Variants in FHIT observed in about 807,000 individuals in gnomAD.
FHIT encodes fragile histidine triad diadenosine triphosphatase, also known as bis(5'-adenosyl)-triphosphatase.
A neutral mutation model predicts 17.9 loss-of-function variants in FHIT; 19 were observed. That is an observed-to-expected ratio of 1.06 (90% CI 0.74 to 1.56). The LOEUF (loss-of-function observed/expected upper bound fraction) is 1.56. FHIT is among the 40% of genes most tolerant of loss of function. FHIT has a pLI of 0.00. For missense variants in FHIT, 248 were observed against 189.2 expected (o/e 1.31, Z -1.82); for synonymous variants, 81 against 69.7 (o/e 1.16, Z -0.81).
intron 3 of FHIT, among the ~76,000 whole-genome samples, chr3:60,864,748 AT>A (rs1704083532): frequency 6.6e-6 from 1 of 152,160 alleles, no homozygotes; most frequent in African/African-American, 2.4e-5. Flanking sequence ...CTCACATATC[AT>A]TTTTAACATT....
intron 5 of FHIT, among the ~76,000 whole-genome samples, chr3:60,145,108 T>C (rs951012185): frequency 6.6e-6 from 1 of 152,180 alleles, no homozygotes; most frequent in African/African-American, 2.4e-5. Flanking sequence ...CTCAACCCAT[T>C]TGAAATCTTA....
intron 4 of FHIT, among the ~76,000 whole-genome samples, chr3:60,762,799 C>G (rs782652233): frequency 2.6e-5 from 4 of 152,018 alleles, no homozygotes; most frequent in Non-Finnish European, 4.4e-5. Context: ...GAGTAGCATC[C>G]CCCAGGGAAG....
intron 4 of FHIT, among the ~76,000 whole-genome samples, chr3:60,667,161 A>G (rs2040401394): frequency 6.7e-6 from 1 of 148,590 alleles, no homozygotes; most frequent in Non-Finnish European, 1.5e-5. Context: ...ATGAGCCACC[A>G]TGTCTGGCTG....
intron 3 of FHIT, among the ~76,000 whole-genome samples, chr3:60,968,347 T>C (rs534653336): frequency 1.3e-5 from 2 of 152,034 alleles, no homozygotes; most frequent in Non-Finnish European, 2.9e-5. Flanking sequence ...AAAATGGAAA[T>C]AATAAACACA....
chr3:60,933,137 AT>A (rs1708045236), intron 3 of FHIT, among the ~76,000 whole-genome samples: 1 of 152,238 alleles, frequency 6.6e-6, no homozygotes. Flanking sequence ...ACATGAACAT[AT>A]TCTCAATATA....
rs55662151 is a variant in FHIT, at chr3:59,867,951, G to C, written c.348+54395C>G. 3.2e-3 allele frequency among the ~76,000 whole-genome samples: 481 copies of C among 149,064 alleles called. 1 individual carries two copies. The highest frequency in any genetic ancestry group is 0.011 in the African/African-American group (459 of 40,404). On this transcript the variant is annotated intron_variant, in intron 8 of 9. Coordinates refer to ENST00000492590, the MANE Select transcript of FHIT (RefSeq NM_002012.4). ...GACCAAGGTTATACACAGAGCTGGT[G>C]ACAGTCTTGAGGCTAAAACCCAACG...
chr3:60,023,614 G>C (rs750514456), intron 5 of FHIT, among the ~76,000 whole-genome samples: 6 of 152,040 alleles, frequency 3.9e-5, no homozygotes, highest in Admixed American at 6.6e-5. Flanking sequence ...GCCATCTGAA[G>C]GCAAAAAGTA....
At chr3:59,924,755 A>G (rs1018281306) in intron 7 of FHIT, among the ~76,000 whole-genome samples, 10 of 152,202 alleles carry the variant, frequency 6.6e-5, no homozygotes, top group Admixed American at 1.3e-4. Flanking sequence ...GTGAAAGCTG[A>G]TTTCTGTTGC....
At chr3:60,738,316 G>T (rs977853060) in intron 4 of FHIT, among the ~76,000 whole-genome samples, 1 of 152,204 alleles carries the variant, frequency 6.6e-6, no homozygotes. Context: ...TTACAGTTCA[G>T]TGAAGAGTAA....
At chr3:60,714,681 A>T (rs1553706180) in intron 4 of FHIT, among the ~76,000 whole-genome samples, 2 of 152,192 alleles carry the variant, frequency 1.3e-5, no homozygotes, top group African/African-American at 4.8e-5. Context: ...ACTCCCATTC[A>T]CAACTGCTTC....
chr3:61,237,302 T>TGATG (rs942023962), intron 1 of FHIT, among the ~76,000 whole-genome samples: 1 of 152,226 alleles, frequency 6.6e-6, no homozygotes, highest in African/African-American at 2.4e-5. Flanking sequence ...ATCATTTTTC[T>TGATG]GATGTTGGAC....
intron 5 of FHIT, among the ~76,000 whole-genome samples, chr3:60,185,293 C>G (rs911202474): frequency 2.6e-5 from 4 of 152,070 alleles, no homozygotes; most frequent in African/African-American, 9.7e-5. Context: ...TAAACCTCAC[C>G]CCAGAACCTT....
intron 4 of FHIT, among the ~76,000 whole-genome samples, chr3:60,574,504 G>A (rs1039612207): frequency 5.9e-5 from 9 of 151,888 alleles, no homozygotes; most frequent in Non-Finnish European, 1.0e-4. Flanking sequence ...GAGCTTAGAC[G>A]AGCCTTCAGC....
At chr3:60,252,519 A>T (rs1017166902) in intron 5 of FHIT, among the ~76,000 whole-genome samples, 18 of 152,100 alleles carry the variant, frequency 1.2e-4, no homozygotes, top group African/African-American at 4.3e-4. Context: ...CGGCATGATC[A>T]TGCTACTGCA....
intron 5 of FHIT, among the ~76,000 whole-genome samples, chr3:60,235,291 C>T (rs950897209): frequency 4.0e-5 from 6 of 148,440 alleles, no homozygotes; most frequent in African/African-American, 1.3e-4. Context: ...AGTGCAATGG[C>T]GTGGTCTCGG....
intron 5 of FHIT, among the ~76,000 whole-genome samples, chr3:60,138,841 T>A (rs999107136): frequency 2.0e-5 from 3 of 152,076 alleles, no homozygotes; most frequent in African/African-American, 7.2e-5. Context: ...ACCAACAGAA[T>A]CATTATTAGA....
At chr3:60,075,359 G>A (rs570483563) in intron 5 of FHIT, among the ~76,000 whole-genome samples, 2 of 152,164 alleles carry the variant, frequency 1.3e-5, no homozygotes, top group Non-Finnish European at 2.9e-5. Flanking sequence ...CCAGTGGGAA[G>A]AGCACTAGAC....
At chr3:60,824,984 A>C (rs552078873) in intron 3 of FHIT, among the ~76,000 whole-genome samples, 1 of 152,322 alleles carries the variant, frequency 6.6e-6, no homozygotes, top group Admixed American at 6.5e-5. Flanking sequence ...GGAAAATGCA[A>C]ATGAAAATAA....
chr3:60,487,136 C>G (rs1032392452), intron 5 of FHIT, among the ~76,000 whole-genome samples: 16 of 152,156 alleles, frequency 1.1e-4, no homozygotes, highest in African/African-American at 3.9e-4. Flanking sequence ...GGTTTGGTGA[C>G]TTGATCGCAA....
Sources: gnomAD v4.1 joint callset for allele counts (sites outside exome capture counted in the v4.1 genomes callset) on GRCh38, gnomAD v4.1.1 for gene constraint, MANE v1.5 for transcripts, NCBI Gene and HGNC (gene_info 2026-07-23, HGNC 2026-07-21) for gene names.